LYPLAL1: variants seen among roughly 807,000 people sequenced by gnomAD.
LYPLAL1 encodes lysophospholipase like 1.
Under a neutral mutation model 19.7 loss-of-function variants are expected in LYPLAL1, and 23 were observed. The ratio of observed to expected loss-of-function variants is 1.17; its 90% CI spans 0.84 to 1.65. The LOEUF is 1.65. Among genes scored for constraint, LYPLAL1 ranks in the 40% most tolerant of loss-of-function variants. The probability of loss-of-function intolerance (pLI) is 0.00; values close to 1 mark genes in which losing one functional copy is unlikely to be tolerated. For missense variants in LYPLAL1, 355 were observed against 279.4 expected, an observed-to-expected ratio of 1.27 and a Z score of -1.93; for synonymous variants, 119 against 96.3, an observed-to-expected ratio of 1.24 and a Z score of -1.38.
At chr1:219,437,679 G>A in the LYPLAL1 span, among the ~76,000 whole-genome samples, 2 of 151,924 alleles carry the variant, frequency 1.3e-5, no homozygotes, top group African/African-American at 4.8e-5. Context: ...TGTTTTTAGG[G>A]TGTGCAACAA....
intron 3 of LYPLAL1, among the ~76,000 whole-genome samples, chr1:219,196,088 G>A (rs536529441): frequency 2.4e-4 from 37 of 152,174 alleles, no homozygotes; most frequent in African/African-American, 7.7e-4. Context: ...ATTGATGGGC[G>A]TTTGGATTGA....
chr1:219,347,838 G>C, the LYPLAL1 span, among the ~76,000 whole-genome samples: 6 of 151,368 alleles, frequency 4.0e-5, no homozygotes, highest in South Asian at 1.3e-3. Context: ...TTCACAAAAG[G>C]CTCCAGATTC....
the LYPLAL1 span, among the ~76,000 whole-genome samples, chr1:219,351,739 A>T: frequency 6.6e-6 from 1 of 152,228 alleles, no homozygotes; most frequent in South Asian, 2.1e-4. Flanking sequence ...GATGTTTTTG[A>T]TGCACTAAGA....
chr1:219,259,115 AGGTGTT>A, the LYPLAL1 span, among the ~76,000 whole-genome samples: 1 of 152,006 alleles, frequency 6.6e-6, no homozygotes, highest in African/African-American at 2.4e-5. Context: ...AAAAAAAAAT[AGGTGTT>A]GGTGTGGATG....
At chr1:219,290,160 A>C in the LYPLAL1 span, among the ~76,000 whole-genome samples, 1 of 152,218 alleles carries the variant, frequency 6.6e-6, no homozygotes, top group African/African-American at 2.4e-5. Flanking sequence ...TCTTGGTTTC[A>C]TGCTGCAAAT....
At chr1:219,332,995 A>T in the LYPLAL1 span, among the ~76,000 whole-genome samples, 3 of 151,960 alleles carry the variant, frequency 2.0e-5, no homozygotes, top group African/African-American at 7.2e-5. Context: ...CCCCACTTTT[A>T]AAGGCCATTT....
chr1:219,311,254 G>A, the LYPLAL1 span, among the ~76,000 whole-genome samples: 1 of 151,790 alleles, frequency 6.6e-6, no homozygotes, highest in African/African-American at 2.4e-5. Context: ...ATATGTTCTT[G>A]AAGTTTAAAA....
At chr1:219,402,598 G>T in the LYPLAL1 span, among the ~76,000 whole-genome samples, 1 of 140,054 alleles carries the variant, frequency 7.1e-6, no homozygotes, top group Non-Finnish European at 1.5e-5. Context: ...TAACTGGATT[G>T]TATTACTTGC....
the LYPLAL1 span, among the ~76,000 whole-genome samples, chr1:219,397,331 G>A: frequency 6.6e-6 from 1 of 152,096 alleles, no homozygotes; most frequent in Non-Finnish European, 1.5e-5. Context: ...TTTTGTAGAG[G>A]ATTTTTGCAT....
chr1:219,388,852 A>T, the LYPLAL1 span, among the ~76,000 whole-genome samples: 1 of 152,160 alleles, frequency 6.6e-6, no homozygotes, highest in Non-Finnish European at 1.5e-5. Flanking sequence ...TTATTACTTG[A>T]TGAGACTACT....
the LYPLAL1 span, among the ~76,000 whole-genome samples, chr1:219,385,365 C>G: frequency 6.6e-6 from 1 of 152,054 alleles, no homozygotes; most frequent in East Asian, 1.9e-4. Context: ...CAAAGCCACT[C>G]AAAAAATTGT....
chr1:219,270,952 T>A, the LYPLAL1 span: 1 of 152,264 alleles, frequency 6.6e-6, no homozygotes, highest in Non-Finnish European at 1.5e-5. Flanking sequence ...ATGGGTCACT[T>A]TTTTGTATCT....
the LYPLAL1 span, among the ~76,000 whole-genome samples, chr1:219,349,543 G>A: frequency 6.6e-6 from 1 of 152,148 alleles, no homozygotes; most frequent in Non-Finnish European, 1.5e-5. Flanking sequence ...GAAGAAAAGA[G>A]TGTGCGTGCA....
At chr1:219,404,060 G>A in the LYPLAL1 span, among the ~76,000 whole-genome samples, 1 of 152,092 alleles carries the variant, frequency 6.6e-6, no homozygotes, top group Non-Finnish European at 1.5e-5. Flanking sequence ...CTCACATAAA[G>A]GAGGAAGACA....
chr1:219,304,356 A>G, the LYPLAL1 span, among the ~76,000 whole-genome samples: 1 of 152,256 alleles, frequency 6.6e-6, no homozygotes, highest in Non-Finnish European at 1.5e-5. Flanking sequence ...AGAGTCACTG[A>G]AAAATTATTT....
At chr1:219,337,215 A>G in the LYPLAL1 span, among the ~76,000 whole-genome samples, 2 of 152,014 alleles carry the variant, frequency 1.3e-5, no homozygotes, top group South Asian at 2.1e-4. Context: ...TAACTTAATC[A>G]CATATACAAA....
the LYPLAL1 span, among the ~76,000 whole-genome samples, chr1:219,264,918 T>C: frequency 3.3e-5 from 5 of 152,240 alleles, no homozygotes; most frequent in Non-Finnish European, 7.3e-5. Context: ...TTCAGTGCCT[T>C]ATACACATTA....
chr1:219,194,482 G>A (rs772652903), intron 3 of LYPLAL1, among the ~76,000 whole-genome samples: 45 of 152,144 alleles, frequency 3.0e-4, no homozygotes, highest in South Asian at 6.2e-4. Flanking sequence ...AGTAAAGCAA[G>A]ATCTATCTGC....
chr1:219,414,670 G>T, the LYPLAL1 span, among the ~76,000 whole-genome samples: 2 of 152,234 alleles, frequency 1.3e-5, no homozygotes, highest in Non-Finnish European at 2.9e-5. Flanking sequence ...TACTGACTAG[G>T]TCACTTTTTC....
Sources: allele counts gnomAD v4.1 joint callset (sites outside exome capture counted in the v4.1 genomes callset), GRCh38; gene constraint gnomAD v4.1.1; transcripts MANE v1.5; gene names NCBI Gene and HGNC (gene_info 2026-07-23, HGNC 2026-07-21).